Variants in RELN observed in about 807,000 individuals in gnomAD.
RELN encodes the protein reelin.
Under a neutral mutation model 427.6 loss-of-function variants are expected in RELN, and 108 were observed. That is an observed-to-expected ratio of 0.25 (90% CI 0.22 to 0.30). The LOEUF (loss-of-function observed/expected upper bound fraction) is 0.30. Ranked by LOEUF, RELN falls within the 10% of genes least tolerant of loss-of-function variation. RELN has a pLI of 1.00. For missense variants in RELN, 3,715 were observed against 4,302.8 expected (o/e 0.86, Z 3.82); for synonymous variants, 1,524 against 1,513.4 (o/e 1.01, Z -0.16).
rs1196914079 is a variant in RELN at position 103,909,756 on chromosome 7, A to T, written c.337+7319T>A. ...TTTAATATATATAAATATATATATTAAATATATATATTTAATATATATAAA... is the reference window on the plus strand; with the variant it reads ...TTTAATATATATAAATATATATATTTAATATATATATTTAATATATATAAA... On this transcript the variant is annotated intron_variant, in intron 2 of 64. Transcript: ENST00000428762. 1.8e-4 allele frequency among the ~76,000 whole-genome samples: 16 copies of T among 91,064 alleles called. 1 individual carries two copies. Among genetic ancestry groups the T allele is most frequent in the African/African-American group, 5.6e-4 (9 of 16,214 alleles). The allele number at this position is 91,064 out of a possible 152,430, so 59.7% of individuals were successfully genotyped here.
At chr7:103,915,478 A>AT (rs3216275) in intron 2 of RELN, among the ~76,000 whole-genome samples, 182 of 152,168 alleles carry the variant, frequency 1.2e-3, no homozygotes, top group Non-Finnish European at 2.0e-3. Flanking sequence ...ATTTCAAAAA[A>AT]TGATCACAGG....
chr7:103,525,377 G>T lies in RELN; in HGVS notation c.7350-1846C>A, dbSNP rs1387439322. On this transcript the variant is annotated intron_variant, in intron 46 of 64. Coordinates refer to ENST00000428762, the MANE Select transcript of RELN (RefSeq NM_005045.4). ...TTCCTTGAATGGTAAGTTATAAGGA[G>T]AGCAGGGTTGATTCCTTTTTGTTCA... 2.6e-5 allele frequency among the ~76,000 whole-genome samples: 4 copies of T among 152,272 alleles called. No homozygotes were observed. In the South Asian group the frequency reaches 6.2e-4, roughly 24 times the overall value.
At chr7:103,762,172 T>C (rs556068217) in intron 4 of RELN, among the ~76,000 whole-genome samples, 81 of 152,270 alleles carry the variant, frequency 5.3e-4, no homozygotes, top group Non-Finnish European at 9.1e-4. Flanking sequence ...CCTAAAGGAA[T>C]GGGCATGCTT....
intron 1 of RELN, among the ~76,000 whole-genome samples, chr7:103,984,320 C>G (rs1472464938): frequency 6.6e-6 from 1 of 152,004 alleles, no homozygotes; most frequent in Non-Finnish European, 1.5e-5. Flanking sequence ...TCTGTAAAAA[C>G]TATATTCATA....
intron 2 of RELN, among the ~76,000 whole-genome samples, chr7:103,888,191 C>T (rs1355964816): frequency 1.3e-5 from 2 of 151,788 alleles, no homozygotes; most frequent in Non-Finnish European, 2.9e-5. Flanking sequence ...CCTGGTCTCC[C>T]AAACTGACAT....
At chr7:103,638,144 C>T (rs1429123832) in intron 17 of RELN, among the ~76,000 whole-genome samples, 7 of 152,126 alleles carry the variant, frequency 4.6e-5, no homozygotes, top group African/African-American at 9.7e-5. Flanking sequence ...TTGGTGATTT[C>T]GGGTATGACA....
At chr7:103,767,010 C>T (rs1264147219) in intron 4 of RELN, among the ~76,000 whole-genome samples, 15 of 152,202 alleles carry the variant, frequency 9.9e-5, no homozygotes, top group Admixed American at 9.8e-4. Flanking sequence ...GGCCACTAAG[C>T]CTGCCATCTG....
rs561563008 is a variant in RELN, at chr7:103,762,242, C to T, written c.545-9028G>A. ...GTGAGTGCTGGAGCAGCCAGCTTGG[C>T]GCCTAGATTTGGAAGCTACTTGCTG... On this transcript the variant is annotated intron_variant, in intron 4 of 64. Transcript: ENST00000428762. Among the ~76,000 whole-genome samples, 4 of 152,236 alleles carry T rather than the reference C, an allele frequency of 2.6e-5. 1 individual carries two copies. The highest frequency in any genetic ancestry group is 9.6e-5 in the African/African-American group (4 of 41,534).
rs113183151 is a variant in RELN at position 103,472,530 on chromosome 7, A to G, written c.*282T>C. On this transcript the variant is annotated 3_prime_UTR_variant, in exon 65 of 65. Coordinates refer to ENST00000428762, the MANE Select transcript of RELN (RefSeq NM_005045.4). ...TGTGCTTAAATTTCATTTTTCTGTT[A>G]AACTGTTTCTTATTGTCAATACTGC... The G allele has an allele frequency of 1.3e-5, 5 of 389,434 alleles. No individual in the cohort carries two copies. The highest frequency in any genetic ancestry group is 6.1e-5 in the African/African-American group (3 of 49,012). 24.1% of individuals were successfully genotyped at this position (389,434 alleles called of 1,614,324 possible).
chr7:103,846,596 G>C (rs976045842), intron 2 of RELN, among the ~76,000 whole-genome samples: 3 of 152,118 alleles, frequency 2.0e-5, no homozygotes, highest in African/African-American at 7.2e-5. Flanking sequence ...TAAAACTAAA[G>C]AGCTTCTGCA....
intron 1 of RELN, among the ~76,000 whole-genome samples, chr7:103,969,294 T>C (rs1796716426): frequency 6.6e-6 from 1 of 152,250 alleles, no homozygotes; most frequent in Non-Finnish European, 1.5e-5. Context: ...CTGGTTTGTA[T>C]ACAATCTGCC....
At chr7:103,819,650 T>C (rs1792968061) in intron 3 of RELN, among the ~76,000 whole-genome samples, 2 of 152,108 alleles carry the variant, frequency 1.3e-5, no homozygotes, top group African/African-American at 4.8e-5. Flanking sequence ...ATGAGATATC[T>C]GATTGCAGAA....
At chr7:103,718,294 C>T (rs2115883171) in intron 8 of RELN, among the ~76,000 whole-genome samples, 1 of 149,834 alleles carries the variant, frequency 6.7e-6, no homozygotes, top group South Asian at 2.1e-4. Flanking sequence ...TTAATGACTT[C>T]CTTCTGTCTT....
At chr7:103,862,116 A>C (rs997861468) in intron 2 of RELN, among the ~76,000 whole-genome samples, 4 of 152,176 alleles carry the variant, frequency 2.6e-5, no homozygotes. Context: ...AAGATGTAGG[A>C]AATCCGAGGA....
intron 53 of RELN, among the ~76,000 whole-genome samples, chr7:103,498,889 A>G (rs1828929793): frequency 6.6e-6 from 1 of 152,230 alleles, no homozygotes. Flanking sequence ...TAAAAGTATT[A>G]TTGTAATGTA....
In RELN at chr7:103,495,779, T is replaced by G. The variant is rs1248854317; in HGVS notation, c.9313A>C (p.Asn3105His). Residue 3105 changes from asparagine (N) to histidine (H), a missense_variant, in exon 57 of 65, where the codon AAT becomes CAT. Physicochemically the swap from Asn to His is moderately conservative, Grantham distance 68 (BLOSUM62 1). Around this residue, in one of 4 missense-constraint regions of RELN, gnomAD observed 1,310 missense variants for 1,643.0 expected, o/e 0.80. Coordinates refer to ENST00000428762, the MANE Select transcript of RELN (RefSeq NM_005045.4). ...ATGAGTTCTCGGGAGGAGAGAGCAT[T>G]GTGAGTCTTGTCCTTCTTTTTATTT... ...WPNKKKDKTH[N>H]ALSSRELIIQ... 6.2e-7 allele frequency: 1 copy of G among 1,613,970 alleles called. No homozygotes were observed. Among genetic ancestry groups the G allele is most frequent in the African/African-American group, 1.3e-5 (1 of 74,918 alleles).
chr7:103,945,236 CAA>C (rs1306423575), intron 1 of RELN, among the ~76,000 whole-genome samples: 1 of 152,114 alleles, frequency 6.6e-6, no homozygotes, highest in Non-Finnish European at 1.5e-5. Context: ...ACAAAATTGA[CAA>C]AATTCACCTA....
chr7:103,611,718 A>G lies in RELN; in HGVS notation c.2788T>C (p.Phe930Leu), dbSNP rs1271247803. Residue 930 changes from phenylalanine to leucine, a missense_variant, in exon 21 of 65, where the codon TTC becomes CTC. By Grantham distance (22) the Phe-to-Leu change is conservative (BLOSUM62 0). Coordinates refer to ENST00000428762, the MANE Select transcript of RELN (RefSeq NM_005045.4). ...MQIGASYMIQ[F>L]SLVMGCGQKY... ...TGGCCACATCCCATCACCAAACTGA[A>G]CTGAATCATATAGGATGCTCCTATC... is the stretch of plus-strand genomic sequence containing the variant. 6.2e-7 allele frequency: 1 copy of G among 1,613,798 alleles called. No individual in the cohort carries two copies. The highest frequency in any genetic ancestry group is 1.3e-5 in the African/African-American group (1 of 74,902).
At chr7:103,927,041 A>G (rs181505786) in intron 1 of RELN, among the ~76,000 whole-genome samples, 9 of 152,306 alleles carry the variant, frequency 5.9e-5, no homozygotes, top group Admixed American at 5.9e-4. Flanking sequence ...ACTGTCCTAA[A>G]ATAAAAAATT....
Sources: gnomAD v4.1 joint callset for allele counts (sites outside exome capture counted in the v4.1 genomes callset) on GRCh38, gnomAD v4.1.1 for gene constraint, gnomAD v4.1.1 regional missense constraint, MANE v1.5 for transcripts, NCBI Gene and HGNC (gene_info 2026-07-23, HGNC 2026-07-21) for gene names.